The following TYW2 variants were observed in gnomAD, a reference collection of about 807,000 sequenced individuals.
The protein encoded by TYW2 is tRNA wybutosine-synthesizing protein 2 homolog.
chr8:124,451,358 G>T, the TYW2 span: 5 of 1,614,050 alleles, frequency 3.1e-6, no homozygotes, highest in Admixed American at 6.7e-5. Flanking sequence ...TTGTTGCTGA[G>T]TGAAGACTGT....
At chr8:124,451,953 C>T in the TYW2 span, 3 of 1,614,176 alleles carry the variant, frequency 1.9e-6, no homozygotes, top group East Asian at 4.5e-5. Flanking sequence ...TGGAATCTTT[C>T]CCAGGGAAGA....
chr8:124,450,844 T>C, the TYW2 span: 2 of 1,489,804 alleles, frequency 1.3e-6, no homozygotes, highest in South Asian at 2.7e-5. Flanking sequence ...CATGGCCGGG[T>C]GAGCTGCAGG....
At chr8:124,451,622 C>G in the TYW2 span, 1 of 1,614,150 alleles carries the variant, frequency 6.2e-7, no homozygotes, top group Admixed American at 1.7e-5. Flanking sequence ...GCATCGTTGT[C>G]CTGTGCTGGA....
chr8:124,451,470 G>A, the TYW2 span: 1 of 1,614,182 alleles, frequency 6.2e-7, no homozygotes, highest in Admixed American at 1.7e-5. Flanking sequence ...GGGTATCACC[G>A]GATGGTACTC....
chr8:124,451,123 C>A, the TYW2 span: 1 of 1,614,204 alleles, frequency 6.2e-7, no homozygotes, highest in Non-Finnish European at 8.5e-7. Context: ...GGGAGAGACG[C>A]TTCCAGAGCA....
chr8:124,452,112 G>A, the TYW2 span: 2 of 1,614,056 alleles, frequency 1.2e-6, no homozygotes, highest in Non-Finnish European at 1.7e-6. Flanking sequence ...GGCAAAGGTG[G>A]GCAGAATCTG....
chr8:124,452,792 A>G, the TYW2 span: 1 of 167,850 alleles, frequency 6.0e-6, no homozygotes, highest in Non-Finnish European at 1.5e-5. Context: ...GGTGATGGTA[A>G]CTTGGACTCG....
At chr8:124,451,334 G>A in the TYW2 span, 1 of 1,614,152 alleles carries the variant, frequency 6.2e-7, no homozygotes, top group African/African-American at 1.3e-5. Context: ...TCATGGCAAC[G>A]GCATGGTAAT....
chr8:124,450,950 G>C, the TYW2 span: 3 of 1,613,978 alleles, frequency 1.9e-6, no homozygotes, highest in African/African-American at 1.3e-5. Flanking sequence ...GTGGTTGTTA[G>C]CAACATGGAG....
the TYW2 span, chr8:124,452,256 CT>C: frequency 1.2e-6 from 2 of 1,613,462 alleles, no homozygotes; most frequent in East Asian, 2.2e-5. Flanking sequence ...AATGCTGCCC[CT>C]GTCCTTCAGT....
chr8:124,452,175 G>T, the TYW2 span: 2 of 1,614,230 alleles, frequency 1.2e-6, no homozygotes, highest in East Asian at 4.5e-5. Flanking sequence ...AACCATGGAA[G>T]ACACAAATTC....
the TYW2 span, chr8:124,450,880 A>G: frequency 1.0e-5 from 16 of 1,558,456 alleles, no homozygotes; most frequent in Admixed American, 9.6e-5. Context: ...CCGGGAATTT[A>G]GTCAGCCTGG....
the TYW2 span, chr8:124,451,010 G>T: frequency 1.2e-6 from 2 of 1,614,134 alleles, no homozygotes; most frequent in Non-Finnish European, 1.7e-6. Context: ...ACTGAGCCTT[G>T]GTTTACCCAG....
the TYW2 span, chr8:124,451,008 T>A: frequency 6.2e-7 from 1 of 1,614,122 alleles, no homozygotes; most frequent in Non-Finnish European, 8.5e-7. Flanking sequence ...TGACTGAGCC[T>A]TGGTTTACCC....
At chr8:124,451,855 C>T in the TYW2 span, 1 of 1,614,142 alleles carries the variant, frequency 6.2e-7, no homozygotes, top group South Asian at 1.1e-5. Flanking sequence ...GATCCTGGGG[C>T]TGATTCCCAG....
At chr8:124,450,988 G>A in the TYW2 span, 1 of 1,614,182 alleles carries the variant, frequency 6.2e-7, no homozygotes, top group African/African-American at 1.3e-5. Context: ...CGTGGCTGTT[G>A]TCGCAGTTGT....
At chr8:124,451,680 T>C in the TYW2 span, 8 of 1,614,238 alleles carry the variant, frequency 5.0e-6, no homozygotes, top group South Asian at 8.8e-5. Flanking sequence ...TTACATTGCC[T>C]TTCCTAGTTC....
the TYW2 span, chr8:124,452,397 G>A: frequency 1.1e-6 from 1 of 921,108 alleles, no homozygotes; most frequent in Non-Finnish European, 1.6e-6. Context: ...TTATAGCCCT[G>A]AAAGCAGGCT....
chr8:124,451,215 G>C, the TYW2 span: 1 of 1,614,156 alleles, frequency 6.2e-7, no homozygotes, highest in Non-Finnish European at 8.5e-7. Context: ...TTCCTTCGAA[G>C]AGGGCCCAGG....
Sources: gnomAD v4.1 joint callset for allele counts on GRCh38, gnomAD v4.1.1 for gene constraint, MANE v1.5 for transcripts, NCBI Gene and HGNC (gene_info 2026-07-23, HGNC 2026-07-21) for gene names.